The following EEF2 variants were observed in gnomAD, a reference collection of about 807,000 sequenced individuals.
The protein encoded by EEF2 is elongation factor 2.
EEF2 carries 21 observed loss-of-function variants against 85.3 expected under a neutral mutation model. The ratio of observed to expected loss-of-function variants is 0.25; its 90% CI spans 0.17 to 0.35. EEF2 has a LOEUF of 0.35. Ranked by LOEUF, EEF2 falls within the 10% of genes least tolerant of loss-of-function variation. The probability of loss-of-function intolerance (pLI) is 1.00; values close to 1 mark genes in which losing one functional copy is unlikely to be tolerated. For missense variants in EEF2, 825 were observed against 1,225.3 expected (o/e 0.67, Z 4.88); for synonymous variants, 723 against 508.8 (o/e 1.42, Z -5.67).
rs754031014 is a variant in EEF2 at position 3,985,409 on chromosome 19, G to A, written c.-29C>T. Reference sequence around the variant, plus strand: ...GGCGGATGGCGGTGGATTCTCCCAGGTAGAACCGAAAGAAGCGAGTCGCGC... The same window carrying A: ...GGCGGATGGCGGTGGATTCTCCCAGATAGAACCGAAAGAAGCGAGTCGCGC... On this transcript the variant is annotated 5_prime_UTR_variant, in exon 1 of 15. Coordinates refer to ENST00000309311, the MANE Select transcript of EEF2 (RefSeq NM_001961.4). 20 of 1,494,080 alleles carry A rather than the reference G, an allele frequency of 1.3e-5. No homozygotes were observed. In the Admixed American group the frequency reaches 1.5e-4, roughly 12 times the overall value. 92.6% of individuals were successfully genotyped at this position (1,494,080 alleles called of 1,614,324 possible).
In EEF2 at chr19:3,979,334, T is replaced by C. The variant is rs2039716260; in HGVS notation, c.1708A>G (p.Ile570Val). 4 of 1,613,584 alleles carry C rather than the reference T, an allele frequency of 2.5e-6. No individual in the cohort carries two copies. Among genetic ancestry groups the C allele is most frequent in the African/African-American group, 1.3e-5 (1 of 74,874 alleles). Residue 570 changes from isoleucine (I) to valine (V), a missense_variant, in exon 11 of 15, where the codon ATC becomes GTC. By Grantham distance (29) the Ile-to-Val change is conservative (BLOSUM62 3). Transcript: ENST00000309311. ...DLEEDHACIP[I>V]KKSDPVVSYR... ...GCTGGTCACTGGCGCCTCACCTTGA[T>C]GGGGATGCAGGCGTGGTCCTCCTCC...
chr19:3,981,480 G>C (rs946122433), intron 6 of EEF2, 28 bp from the exon 7 acceptor site: 1 of 1,601,338 alleles, frequency 6.2e-7, no homozygotes, highest in African/African-American at 1.3e-5. Flanking sequence ...AAACAAGAAA[G>C]CCCATTTGGG....
At position 3,983,095 on chromosome 19, in the gene EEF2, G is replaced by A. The variant is rs766679911; in HGVS notation, c.400+15C>T. The A allele has an allele frequency of 3.7e-6, 6 of 1,612,642 alleles. No individual in the cohort carries two copies. The highest frequency in any genetic ancestry group is 5.1e-6 in the Non-Finnish European group (6 of 1,178,900). On this transcript the variant is annotated intron_variant, in intron 3 of 14. Coordinates refer to ENST00000309311, the MANE Select transcript of EEF2 (RefSeq NM_001961.4). ...CCCGGTTCCAGGCCGTGCCTCAGGGGGACCCACTGCTTACCTGACACGCAG... is the reference window on the plus strand; with the variant it reads ...CCCGGTTCCAGGCCGTGCCTCAGGGAGACCCACTGCTTACCTGACACGCAG...
chr19:3,982,215 GGAATC>G (rs2039759113), intron 5 of EEF2, 26 bp downstream of exon 5: 11 of 1,611,638 alleles, frequency 6.8e-6, no homozygotes, highest in Non-Finnish European at 8.5e-6. Context: ...CCAGGTGTCA[GGAATC>G]CCCCACCATA....
intron 4 of EEF2, 127 bp downstream of exon 4, chr19:3,982,680 C>G: frequency 8.5e-7 from 1 of 1,182,590 alleles, no homozygotes; most frequent in South Asian, 1.4e-5. Flanking sequence ...ATTCCAGCCC[C>G]CTTCTCTGTC....
chr19:3,981,822 C>CCT lies in EEF2; in HGVS notation c.897+123_897+124dup. On this transcript the variant is annotated intron_variant, in intron 6 of 14. Transcript: ENST00000309311. ...TCCACCTCAGTTAGGAGCTGTGCCT[C>CCT]CTCCCATCTCGCATCTGCCCCACAA... 1.2e-5 allele frequency: 10 copies of CCT among 845,214 alleles called. No homozygotes were observed. The South Asian group carries it at 1.6e-4, about 13-fold the overall frequency. The allele number at this position is 845,214 out of a possible 1,614,324, so 52.4% of individuals were successfully genotyped here.
chr19:3,984,165 C>T lies in EEF2; in HGVS notation c.189G>A (p.Glu63=), dbSNP rs775532114. ...ETRFTDTRKD[E]QERCITIKST... is the part of the protein sequence containing the mutation. ...ACTTGATGGTGATGCAACGCTCCTG[C>T]TCGTCCTTCCGGGTATCAGTGAAGC... is the stretch of plus-strand genomic sequence containing the variant. Residue 63 remains glutamate, a synonymous_variant, in exon 2 of 15, where the codon GAG becomes GAA. Transcript: ENST00000309311. 4 of 1,614,024 alleles carry T rather than the reference C, an allele frequency of 2.5e-6. No individual in the cohort carries two copies. The highest frequency in any genetic ancestry group is 3.4e-6 in the Non-Finnish European group (4 of 1,179,988).
intron 6 of EEF2, 108 bp from the exon 7 acceptor site, chr19:3,981,560 G>GGGAGCA: frequency 3.8e-6 from 4 of 1,058,306 alleles, no homozygotes; most frequent in Non-Finnish European, 5.7e-6. Flanking sequence ...GACGCAGCAC[G>GGGAGCA]GGAGCAGGAG....
At chr19:3,980,387 G>A (rs1011245713) in intron 9 of EEF2, 127 bp downstream of exon 9, 2 of 1,232,436 alleles carry the variant, frequency 1.6e-6, no homozygotes, top group East Asian at 2.5e-5. Context: ...GTTGTGGCTG[G>A]CACAAGTATC....
rs758714357 is a variant in EEF2, at chr19:3,978,020, C to G, written c.1866G>C (p.Val622=). 3.1e-6 allele frequency: 5 copies of G among 1,608,830 alleles called. No homozygotes were observed. In the East Asian group the frequency reaches 8.9e-5, roughly 29 times the overall value. The change falls in exon 12 of 15, where the codon GTG becomes GTC. Residue 622 remains valine (V), a synonymous_variant. Transcript: ENST00000309311. ...GLAEDIDKGE[V]SARQELKQRA... ...GCTGCTTGAGCTCCTGACGGGCGGACACCTCGCCTTTATCGATGTCCTCGG... is the reference window on the plus strand; with the variant it reads ...GCTGCTTGAGCTCCTGACGGGCGGAGACCTCGCCTTTATCGATGTCCTCGG...
In EEF2 at chr19:3,976,576, T is replaced by C; in HGVS notation, c.2555A>G (p.Asp852Gly). 3 of 1,609,048 alleles carry C rather than the reference T, an allele frequency of 1.9e-6. No homozygotes were observed. The highest frequency in any genetic ancestry group is 2.5e-6 in the Non-Finnish European group (3 of 1,177,974). The change falls in exon 15 of 15, where the codon GAC becomes GGC. Residue 852 changes from aspartate (D) to glycine (G), a missense_variant. Transcript: ENST00000309311. ...KGLKEGIPAL[D>G]NFLDKL ...CGCCTACAATTTGTCCAGGAAGTTG[T>C]CCAGGGCAGGGATGCCTTCTTTCAG...
chr19:3,985,457 G>A lies in EEF2; in HGVS notation c.-77C>T, dbSNP rs897131413. On this transcript the variant is annotated 5_prime_UTR_variant, in exon 1 of 15. Coordinates refer to ENST00000309311, the MANE Select transcript of EEF2 (RefSeq NM_001961.4). ...CGCCGAGGATGGCGGCGACGACGGC[G>A]GAAGAGAACGCTGACGTCAACACTC... is the stretch of plus-strand genomic sequence containing the variant. 4.3e-6 allele frequency: 6 copies of A among 1,396,172 alleles called. No homozygotes were observed. The highest frequency in any genetic ancestry group is 3.2e-5 in the Admixed American group (1 of 31,674). The allele number at this position is 1,396,172 out of a possible 1,614,324, so 86.5% of individuals were successfully genotyped here. A position where few individuals can be genotyped will look rare whatever the true frequency, so the allele number is the denominator to read the frequency against.
At chr19:3,978,285 C>A (rs2145357120) in intron 11 of EEF2, 113 bp from the exon 12 acceptor site, 1 of 859,726 alleles carries the variant, frequency 1.2e-6, no homozygotes, top group East Asian at 2.9e-5. Flanking sequence ...CCTGGTAGAG[C>A]CACGTCAATC....
chr19:3,979,289 CG>C, intron 11 of EEF2, 39 bp downstream of exon 11: 1 of 1,542,710 alleles, frequency 6.5e-7, no homozygotes, highest in Non-Finnish European at 9.0e-7. Context: ...GGCAGGTGTC[CG>C]GGGTGGGGCG....
chr19:3,980,726 A>C lies in EEF2; in HGVS notation c.1151-17T>G. ...TTTTAATGCCTGAGGGACAGAGAAAACCCGCAAGCTTTATTCCAGTGCAGC... is the reference window on the plus strand; with the variant it reads ...TTTTAATGCCTGAGGGACAGAGAAACCCCGCAAGCTTTATTCCAGTGCAGC... On this transcript the variant is annotated splice_polypyrimidine_tract_variant and intron_variant, in intron 8 of 14. Transcript: ENST00000309311. 6.2e-7 allele frequency: 1 copy of C among 1,609,914 alleles called. No individual in the cohort carries two copies. The highest frequency in any genetic ancestry group is 8.5e-7 in the Non-Finnish European group (1 of 1,176,928).
chr19:3,978,803 CAA>C lies in EEF2; in HGVS notation c.1713+524_1713+525del, dbSNP rs58074233. Among the ~76,000 whole-genome samples, 25 of 36,830 alleles carry C rather than the reference CAA, an allele frequency of 6.8e-4. No homozygotes were observed. In the South Asian group the frequency reaches 9.0e-3, roughly 13 times the overall value. The allele number at this position is 36,830 out of a possible 152,430, so 24.2% of individuals were successfully genotyped here. A position where few individuals can be genotyped will look rare whatever the true frequency, so the allele number is the denominator to read the frequency against. On this transcript the variant is annotated intron_variant, in intron 11 of 14. Coordinates refer to ENST00000309311, the MANE Select transcript of EEF2 (RefSeq NM_001961.4). ...AAGCAACAGAGCAAGACTCTTGTCT[CAA>C]AAAAAAAAAAAAAAAAAAAAAAAAA... is the stretch of plus-strand genomic sequence containing the variant.
In EEF2 at chr19:3,984,126, G is replaced by C; in HGVS notation, c.218+10C>G. The C allele has an allele frequency of 6.2e-7, 1 of 1,613,238 alleles. No individual in the cohort carries two copies. Among genetic ancestry groups the C allele is most frequent in the South Asian group, 1.1e-5 (1 of 91,050 alleles). On this transcript the variant is annotated intron_variant, in intron 2 of 14. Transcript: ENST00000309311. ...TCCCTGCCTGGGTACAGAGGGCACAGGGAGCTCACGTTGACTTGATGGTGA... is the reference window on the plus strand; with the variant it reads ...TCCCTGCCTGGGTACAGAGGGCACACGGAGCTCACGTTGACTTGATGGTGA...
Position 3,976,227 on chromosome 19 carries a change from G to A in EEF2, c.*327C>T, listed in dbSNP as rs757844168. ...TGTACCCAAATAAACCTCTTAATGC[G>A]TTTGTTAAAATTAGTTTGGACATCT... On this transcript the variant is annotated 3_prime_UTR_variant, in exon 15 of 15. Coordinates refer to ENST00000309311, the MANE Select transcript of EEF2 (RefSeq NM_001961.4). The A allele has an allele frequency of 1.4e-5, 5 of 345,024 alleles. No individual in the cohort carries two copies. The highest frequency in any genetic ancestry group is 4.6e-5 in the Admixed American group (1 of 21,598). The allele number at this position is 345,024 out of a possible 1,614,324, so 21.4% of individuals were successfully genotyped here.
rs776485712 is a variant in EEF2, at chr19:3,982,260, C to T, written c.777G>A (p.Lys259=). The T allele has an allele frequency of 1.9e-5, 31 of 1,614,054 alleles. No individual in the cohort carries two copies. Among genetic ancestry groups the T allele is most frequent in the Non-Finnish European group, 2.6e-5 (31 of 1,180,026 alleles). Residue 259 remains lysine, a synonymous_variant, in exon 5 of 15, where the codon AAG becomes AAA. Transcript: ENST00000309311. ...RAKKVEDMMK[K]LWGDRYFDPA... ...GCGGGGCTCACCTGTCACCCCACAG[C>T]TTCTTCATCATGTCCTCTACTTTCT... is the stretch of plus-strand genomic sequence containing the variant.
Sources: allele counts gnomAD v4.1 joint callset (sites outside exome capture counted in the v4.1 genomes callset), GRCh38; gene constraint gnomAD v4.1.1; transcripts MANE v1.5; gene names NCBI Gene and HGNC (gene_info 2026-07-23, HGNC 2026-07-21).